The following SDAD1 variants were observed in gnomAD, a reference collection of about 807,000 sequenced individuals.
The protein encoded by SDAD1 is protein SDA1 homolog.
Under a neutral mutation model 100.3 loss-of-function variants are expected in SDAD1, and 79 were observed. The observed-to-expected ratio is 0.79, with a 90% CI of 0.66 to 0.95. SDAD1 has a LOEUF of 0.95. Among genes scored for constraint, SDAD1 ranks in the 40% least tolerant of loss-of-function variants. The pLI, the probability that SDAD1 is intolerant of heterozygous loss-of-function variation, is 0.00. For synonymous variants in SDAD1, 267 were observed against 271.4 expected (o/e 0.98, Z 0.16); for missense variants, 790 against 810.9 (o/e 0.97, Z 0.31).
At chr4:75,990,642 CAGA>C in intron 1 of SDAD1, 107 bp downstream of exon 1, 5 of 1,600,482 alleles carry the variant, frequency 3.1e-6, no homozygotes, top group South Asian at 1.1e-5. Context: ...CTGAACCTAA[CAGA>C]AGAATAGGCG....
chr4:75,959,554 A>G (rs1729112307), intron 17 of SDAD1, among the ~76,000 whole-genome samples: 1 of 151,974 alleles, frequency 6.6e-6, no homozygotes, highest in South Asian at 2.1e-4. Flanking sequence ...CAGTGAGCTG[A>G]GATCGTACCA....
intron 10 of SDAD1, among the ~76,000 whole-genome samples, chr4:75,970,032 T>C (rs1347482408): frequency 6.6e-6 from 1 of 151,918 alleles, no homozygotes; most frequent in African/African-American, 2.4e-5. Context: ...AGACTGCCAG[T>C]TTATTTGGTC....
At chr4:75,974,760 G>T (rs1730063879) in intron 6 of SDAD1, among the ~76,000 whole-genome samples, 1 of 150,802 alleles carries the variant, frequency 6.6e-6, no homozygotes, top group Non-Finnish European at 1.5e-5. Flanking sequence ...ATAATATATA[G>T]GCCGGGCGCA....
At chr4:75,961,618 T>C (rs17001284) in intron 14 of SDAD1, among the ~76,000 whole-genome samples, 23,017 of 152,126 alleles carry the variant, frequency 0.15, 2,751 homozygotes, top group African/African-American at 0.33. Flanking sequence ...TTAAAGTCTT[T>C]AGGGCTATTA....
chr4:75,950,616 G>A lies in SDAD1; in HGVS notation c.*134C>T, dbSNP rs1339839966. ...TCCAAAATAAAAACACAAAATTGCT[G>A]CCACATGTTCAGCAGTTTTCACAAT... On this transcript the variant is annotated 3_prime_UTR_variant, in exon 22 of 22. Coordinates refer to ENST00000356260, the MANE Select transcript of SDAD1 (RefSeq NM_018115.4). 2 of 521,216 alleles carry A rather than the reference G, an allele frequency of 3.8e-6. No individual in the cohort carries two copies. Among genetic ancestry groups the A allele is most frequent in the Admixed American group, 3.3e-5 (1 of 30,666 alleles). 32.3% of individuals were successfully genotyped at this position (521,216 alleles called of 1,614,324 possible).
In SDAD1 at chr4:75,965,776, T is replaced by C; in HGVS notation, c.1092A>G (p.Leu364=). ...TACAGGTTCTCACCTCTGGGGGTAC[T>C]AGGTGATGAGATGCTTGTGCAGCAA... is the stretch of plus-strand genomic sequence containing the variant. ...LLFAAQASHH[L]VPPEIIQSLL... Residue 364 remains leucine, a synonymous_variant, in exon 13 of 22, where the codon CTA becomes CTG. Transcript: ENST00000356260. The C allele has an allele frequency of 6.2e-7, 1 of 1,613,392 alleles. No individual in the cohort carries two copies. The highest frequency in any genetic ancestry group is 2.2e-5 in the East Asian group (1 of 44,878).
chr4:75,978,397 T>C (rs1730282190), intron 3 of SDAD1, among the ~76,000 whole-genome samples: 1 of 151,376 alleles, frequency 6.6e-6, no homozygotes, highest in Non-Finnish European at 1.5e-5. Flanking sequence ...AGAGTCTCAT[T>C]ATGTTGCCTA....
chr4:75,972,995 T>C (rs1262215449), intron 8 of SDAD1, among the ~76,000 whole-genome samples: 2 of 151,922 alleles, frequency 1.3e-5, no homozygotes, highest in Non-Finnish European at 2.9e-5. Context: ...CCCTCCAGCC[T>C]GGGCAACAGA....
intron 7 of SDAD1, among the ~76,000 whole-genome samples, chr4:75,973,794 T>C (rs949592722): frequency 9.9e-5 from 15 of 152,162 alleles, no homozygotes; most frequent in Non-Finnish European, 1.6e-4. Context: ...ATTTATTACA[T>C]AGCAATTTAA....
At chr4:75,969,992 T>G (rs1335094549) in intron 10 of SDAD1, among the ~76,000 whole-genome samples, 1 of 152,000 alleles carries the variant, frequency 6.6e-6, no homozygotes, top group African/African-American at 2.4e-5. Flanking sequence ...GACTAGGTTT[T>G]TTTTTTTTTT....
At position 75,990,761 on chromosome 4, in the gene SDAD1, G is replaced by A. The variant is rs751884423; in HGVS notation, c.81C>T (p.Tyr27=). 5.0e-6 allele frequency: 8 copies of A among 1,613,960 alleles called. No homozygotes were observed. Among genetic ancestry groups the A allele is most frequent in the South Asian group, 2.2e-5 (2 of 91,086 alleles). ...CGCGCCGCACTCCCACCTCCTCGAT[G>A]TAGGCCGGCGGGTCTCGCTTGATTA... is the stretch of plus-strand genomic sequence containing the variant. The part of the protein sequence containing the change: ...QNLIKRDPPA[Y]IEEFLQQYNH... Residue 27 remains tyrosine (Y), a synonymous_variant, in exon 1 of 22, where the codon TAC becomes TAT. Coordinates refer to ENST00000356260, the MANE Select transcript of SDAD1 (RefSeq NM_018115.4).
chr4:75,957,941 T>C lies in SDAD1; in HGVS notation c.1484A>G (p.Asp495Gly), dbSNP rs746575701. The C allele has an allele frequency of 1.9e-6, 3 of 1,612,306 alleles. No individual in the cohort carries two copies. Among genetic ancestry groups the C allele is most frequent in the Non-Finnish European group, 2.5e-6 (3 of 1,179,978 alleles). Residue 495 changes from aspartate to glycine, a missense_variant and splice_region_variant, in exon 18 of 22, where the codon GAT (aspartate) becomes GGT (glycine). By Grantham distance (94) the Asp-to-Gly change is moderately conservative (BLOSUM62 -1). Transcript: ENST00000356260. The stretch of plus-strand genomic sequence containing the variant: ...ACTGAGACTGGTACTTTCCCATCCA[T>C]CTGCGTGAAAAAAGCAAACCCACTA... ...EKEENAENDEDGWESTSLSEE... is the reference protein window; with the variant it reads ...EKEENAENDEGGWESTSLSEE...
intron 10 of SDAD1, 140 bp downstream of exon 10, chr4:75,970,169 C>T: frequency 3.1e-6 from 2 of 652,676 alleles, no homozygotes; most frequent in Non-Finnish European, 5.3e-6. Context: ...TTGTAGGTTA[C>T]AACCAACTAG....
At chr4:75,951,144 T>C (rs1275735622) in intron 21 of SDAD1, among the ~76,000 whole-genome samples, 1 of 152,142 alleles carries the variant, frequency 6.6e-6, no homozygotes, top group East Asian at 1.9e-4. Flanking sequence ...GAGTTGTGGA[T>C]GGAATACATT....
intron 1 of SDAD1, among the ~76,000 whole-genome samples, chr4:75,989,959 T>C (rs559271880): frequency 2.6e-5 from 4 of 152,198 alleles, no homozygotes; most frequent in Non-Finnish European, 5.9e-5. Context: ...AGCACAAACA[T>C]GTAATTGCAG....
chr4:75,974,402 C>CAAA (rs36025367), intron 6 of SDAD1, among the ~76,000 whole-genome samples: 8 of 110,864 alleles, frequency 7.2e-5, no homozygotes, highest in Non-Finnish European at 1.2e-4. Context: ...TAGTCAAGTG[C>CAAA]AAAAAAAAAA....
Position 75,965,672 on chromosome 4 carries a change from C to T in SDAD1, c.1104+92G>A, listed in dbSNP as rs76643599. 1.5e-3 allele frequency: 1,469 copies of T among 971,160 alleles called. 27 individuals carry two copies. The African/African-American group carries it at 0.021, about 14-fold the overall frequency. 60.2% of individuals were successfully genotyped at this position (971,160 alleles called of 1,614,324 possible). On this transcript the variant is annotated intron_variant, in intron 13 of 21. Coordinates refer to ENST00000356260, the MANE Select transcript of SDAD1 (RefSeq NM_018115.4). ...TAGAAAAAAACCCACGTTGAATTAT[C>T]GGGGGCAGGTTCCCCCGATAGACCC...
chr4:75,955,607 TC>T (rs1446312548), intron 21 of SDAD1, among the ~76,000 whole-genome samples: 1 of 152,194 alleles, frequency 6.6e-6, no homozygotes, highest in Non-Finnish European at 1.5e-5. Context: ...AAAAAGTTAT[TC>T]AATTAATTTT....
intron 1 of SDAD1, among the ~76,000 whole-genome samples, chr4:75,986,127 A>AT (rs1208401236): frequency 3.3e-5 from 5 of 151,662 alleles, no homozygotes; most frequent in South Asian, 2.1e-4. Context: ...TTTCATTTTA[A>AT]TTTTTTTTAG....
Sources: allele counts gnomAD v4.1 joint callset (sites outside exome capture counted in the v4.1 genomes callset), GRCh38; gene constraint gnomAD v4.1.1; transcripts MANE v1.5; gene names NCBI Gene and HGNC (gene_info 2026-07-23, HGNC 2026-07-21).